SLC29A4: variants seen among roughly 807,000 people sequenced by gnomAD.
SLC29A4 encodes the protein equilibrative nucleoside transporter 4.
In SLC29A4, 36 loss-of-function variants were observed where a neutral mutation model predicts 43.9. The ratio of observed to expected loss-of-function variants is 0.82; its 90% confidence interval spans 0.63 to 1.08. SLC29A4 has a LOEUF of 1.08. Among genes scored for constraint, SLC29A4 ranks in the 50% least tolerant of loss-of-function variants. The pLI is 0.00. For synonymous variants in SLC29A4, 491 were observed against 338.0 expected (o/e 1.45, Z -4.97); for missense variants, 869 against 755.3 (o/e 1.15, Z -1.77).
chr7:5,286,538 A>AG (rs1195396035), intron 1 of SLC29A4, among the ~76,000 whole-genome samples: 3 of 140,394 alleles, frequency 2.1e-5, no homozygotes, highest in South Asian at 4.4e-4. Context: ...AAAAAAAGAA[A>AG]AAAGAAAAAA....
intron 9 of SLC29A4, 47 bp downstream of exon 9, chr7:5,299,474 G>A: frequency 1.3e-6 from 2 of 1,576,748 alleles, no homozygotes; most frequent in Non-Finnish European, 1.7e-6. Flanking sequence ...ATGGGGTGGG[G>A]GTGACAAGGG....
chr7:5,291,240 G>A lies in SLC29A4; in HGVS notation c.415+3G>A. The A allele has an allele frequency of 6.2e-7, 1 of 1,611,422 alleles. No individual in the cohort carries two copies. The highest frequency in any genetic ancestry group is 8.5e-7 in the Non-Finnish European group (1 of 1,179,684). On this transcript the variant is annotated splice_donor_region_variant and intron_variant, in intron 4 of 10. Transcript: ENST00000396872. ...CCTGCACACCAGGATCACCGCAGGT[G>A]CGCTGGGCCCCGCCACGGGACACCT...
intron 7 of SLC29A4, among the ~76,000 whole-genome samples, chr7:5,298,657 C>T (rs1214973474): frequency 2.0e-5 from 3 of 152,082 alleles, no homozygotes; most frequent in Non-Finnish European, 2.9e-5. Flanking sequence ...AAAGATTGGC[C>T]TGGGTGATGG....
chr7:5,300,739 G>A (rs528672925), intron 10 of SLC29A4, 77 bp downstream of exon 10: 23 of 1,551,140 alleles, frequency 1.5e-5, no homozygotes, highest in Non-Finnish European at 1.9e-5. Flanking sequence ...ACCCAGGCTA[G>A]ACCGCAGGAA....
At chr7:5,289,093 T>C (rs897848863) in intron 2 of SLC29A4, among the ~76,000 whole-genome samples, 1 of 152,172 alleles carries the variant, frequency 6.6e-6, no homozygotes, top group African/African-American at 2.4e-5. Context: ...GCTAGTACTT[T>C]AGGCTCAGAA....
At chr7:5,288,061 C>G in intron 2 of SLC29A4, 76 bp downstream of exon 2, 3 of 1,487,770 alleles carry the variant, frequency 2.0e-6, no homozygotes, top group East Asian at 2.4e-5. Flanking sequence ...TGAAGCCTTG[C>G]GGTATCGGGG....
In SLC29A4 at chr7:5,302,790, T is replaced by A. The variant is rs751250053; in HGVS notation, c.1451-7T>A. The A allele has an allele frequency of 6.4e-7, 1 of 1,552,324 alleles. No individual in the cohort carries two copies. The highest frequency in any genetic ancestry group is 2.4e-5 in the East Asian group (1 of 41,192). ...CCCTGCTCCCCTCAGGCTGGTGTTG[T>A]CCACAGGGAACACCATGACCGTGTC... is the stretch of plus-strand genomic sequence containing the variant. On this transcript the variant is annotated splice_polypyrimidine_tract_variant and splice_region_variant and intron_variant, in intron 10 of 10. Transcript: ENST00000396872.
rs776252776 is a variant in SLC29A4 at position 5,291,689 on chromosome 7, A to T, written c.416-4A>T. 1.2e-6 allele frequency: 2 copies of T among 1,604,456 alleles called. No homozygotes were observed. The highest frequency in any genetic ancestry group is 1.1e-5 in the South Asian group (1 of 89,950). On this transcript the variant is annotated splice_polypyrimidine_tract_variant and splice_region_variant and intron_variant, in intron 4 of 10. Coordinates refer to ENST00000396872, the MANE Select transcript of SLC29A4 (RefSeq NM_153247.4). ...ACTCCCCTCACTAGCCTCTCCCCCA[A>T]CAGGCTACCTCTTAGCCTTGGGCCC...
chr7:5,289,058 T>G (rs1293298956), intron 2 of SLC29A4, among the ~76,000 whole-genome samples: 1 of 152,156 alleles, frequency 6.6e-6, no homozygotes, highest in Non-Finnish European at 1.5e-5. Flanking sequence ...AAGCTATAGT[T>G]CTTTTCTGGA....
chr7:5,299,500 CG>C, intron 9 of SLC29A4, 73 bp downstream of exon 9: 1 of 1,488,054 alleles, frequency 6.7e-7, no homozygotes. Context: ...CTGGCCTATC[CG>C]GGAAGGGTTC....
intron 1 of SLC29A4, among the ~76,000 whole-genome samples, chr7:5,287,307 A>C (rs1299572666): frequency 1.3e-5 from 2 of 152,002 alleles, no homozygotes; most frequent in Admixed American, 1.3e-4. Context: ...GGTCCCAGCT[A>C]CTTGGGAGGC....
At chr7:5,289,120 G>A (rs1483776524) in intron 2 of SLC29A4, among the ~76,000 whole-genome samples, 3 of 152,170 alleles carry the variant, frequency 2.0e-5, no homozygotes, top group African/African-American at 4.8e-5. Context: ...GCTAAGGCTC[G>A]GCACGGTGGC....
Position 5,303,112 on chromosome 7 carries a change from A to G in SLC29A4, c.*173A>G, listed in dbSNP as rs746578949. On this transcript the variant is annotated 3_prime_UTR_variant, in exon 11 of 11. Coordinates refer to ENST00000396872, the MANE Select transcript of SLC29A4 (RefSeq NM_153247.4). ...CCCCACCCTGGACTGAAGTTCTGCA[A>G]AGTCCTCCGAGGACCGGAACACGTT... 1 of 765,626 alleles carries G rather than the reference A, an allele frequency of 1.3e-6. No individual in the cohort carries two copies. Among genetic ancestry groups the G allele is most frequent in the Non-Finnish European group, 2.1e-6 (1 of 486,738 alleles). 47.4% of individuals were successfully genotyped at this position (765,626 alleles called of 1,614,324 possible). A position where few individuals can be genotyped will look rare whatever the true frequency, so the allele number is the denominator to read the frequency against.
chr7:5,300,574 G>A lies in SLC29A4; in HGVS notation c.1362G>A (p.Leu454=). 1 of 1,612,202 alleles carries A rather than the reference G, an allele frequency of 6.2e-7. No homozygotes were observed. The highest frequency in any genetic ancestry group is 8.5e-7 in the Non-Finnish European group (1 of 1,179,530). The part of the protein sequence containing the change: ...RHPAWPCIFS[L]LMGISNGYFG... ...CCGCCTGGCCCTGCATCTTCTCACT[G>A]CTCATGGGCATCAGCAACGGCTACT... The change falls in exon 10 of 11, where the codon CTG becomes CTA. Residue 454 remains leucine, a synonymous_variant. Coordinates refer to ENST00000396872, the MANE Select transcript of SLC29A4 (RefSeq NM_153247.4).
chr7:5,298,083 C>T (rs1283132493), intron 7 of SLC29A4, among the ~76,000 whole-genome samples: 1 of 152,184 alleles, frequency 6.6e-6, no homozygotes, highest in Non-Finnish European at 1.5e-5. Context: ...GCGAGGGAGC[C>T]ATTGGTCCTC....
chr7:5,300,775 G>A, intron 10 of SLC29A4, 113 bp downstream of exon 10: 1 of 1,410,818 alleles, frequency 7.1e-7, no homozygotes, highest in Non-Finnish European at 9.4e-7. Context: ...CGGGGGTTCA[G>A]AACAGTCAGT....
chr7:5,305,174 G>C lies in SLC29A4; in HGVS notation c.*2235G>C, dbSNP rs969363765. 6.6e-6 allele frequency: 1 copy of C among 152,380 alleles called. No homozygotes were observed. The highest frequency in any genetic ancestry group is 2.4e-5 in the African/African-American group (1 of 41,460). 9.4% of individuals were successfully genotyped at this position (152,380 alleles called of 1,614,324 possible). A position where few individuals can be genotyped will look rare whatever the true frequency, so the allele number is the denominator to read the frequency against. On this transcript the variant is annotated 3_prime_UTR_variant, in exon 11 of 11. Transcript: ENST00000396872. The stretch of plus-strand genomic sequence containing the variant: ...TGGTCCAGGTTTTGATGTGGGTCCC[G>C]TAAAGGAGGGCACGAGGGCCACCTA...
intron 7 of SLC29A4, 74 bp downstream of exon 7, chr7:5,297,272 C>G: frequency 7.0e-7 from 1 of 1,429,164 alleles, no homozygotes; most frequent in Non-Finnish European, 9.2e-7. Flanking sequence ...CGGGAAGTAC[C>G]TGGGGCCCAG....
intron 9 of SLC29A4, 152 bp from the exon 10 acceptor site, chr7:5,300,270 A>T: frequency 8.5e-7 from 1 of 1,172,548 alleles, no homozygotes; most frequent in Non-Finnish European, 1.2e-6. Context: ...GGGGGCTTTT[A>T]GAGGGGTGAT....
Sources: gnomAD v4.1 joint callset for allele counts (sites outside exome capture counted in the v4.1 genomes callset) on GRCh38, gnomAD v4.1.1 for gene constraint, MANE v1.5 for transcripts, NCBI Gene and HGNC (gene_info 2026-07-23, HGNC 2026-07-21) for gene names.